Variants in IL9R observed in about 807,000 individuals in gnomAD.
IL9R encodes the protein interleukin 9 receptor.
A neutral mutation model predicts 56.3 loss-of-function variants in IL9R; 54 were observed. The observed-to-expected ratio is 0.96, with a 90% confidence interval of 0.77 to 1.20. The LOEUF (loss-of-function observed/expected upper bound fraction) is 1.20. IL9R is among the 50% of genes most tolerant of loss of function. IL9R has a pLI of 0.00. For missense variants in IL9R, 545 were observed against 629.8 expected, an observed-to-expected ratio of 0.87 and a Z score of 1.44; for synonymous variants, 212 against 250.2, an observed-to-expected ratio of 0.85 and a Z score of 1.44.
intron 4 of IL9R, 146 bp from the exon 5 acceptor site, chrX:156,004,274 G>A: frequency 2.7e-6 from 2 of 740,666 alleles, no homozygotes; most frequent in Non-Finnish European, 4.6e-6. Flanking sequence ...TGGGGCTTTT[G>A]TGGACCAGTC....
intron 5 of IL9R, among the ~76,000 whole-genome samples, 158 bp from the exon 6 acceptor site, chrX:156,005,120 T>G (rs2067830587): frequency 6.6e-6 from 1 of 151,924 alleles, no homozygotes; most frequent in Non-Finnish European, 1.5e-5. Context: ...GTGCCTTCTG[T>G]GTGTGTGTGT....
intron 5 of IL9R, 111 bp from the exon 6 acceptor site, chrX:156,005,167 C>G: frequency 2.5e-6 from 2 of 808,722 alleles, no homozygotes; most frequent in Admixed American, 2.0e-5. Flanking sequence ...TGTGTTAACA[C>G]AAGTGTGTTC....
intron 4 of IL9R, 76 bp downstream of exon 4, chrX:156,003,931 C>CCA: frequency 1.4e-6 from 2 of 1,468,770 alleles, no homozygotes; most frequent in Admixed American, 1.8e-5. Context: ...TGGAGCAGGG[C>CCA]CTTGCAGCCT....
chrX:156,009,768 T>C lies in IL9R; in HGVS notation c.973-48T>C, dbSNP rs769472574. The C allele has an allele frequency of 1.6e-5, 16 of 987,834 alleles. 2 individuals are homozygous for C. The highest frequency in any genetic ancestry group is 1.9e-5 in the Non-Finnish European group (14 of 737,924). 61.2% of individuals were successfully genotyped at this position (987,834 alleles called of 1,614,324 possible). On this transcript the variant is annotated intron_variant, in intron 8 of 8. Coordinates refer to ENST00000244174, the MANE Select transcript of IL9R (RefSeq NM_002186.3). ...GGAGGCAGCTGCTCCCAGGATGAGT[T>C]CTGAACATGCTACCTGAGCCCTTCC...
At chrX:156,002,019 G>A (rs2067566428) in intron 1 of IL9R, among the ~76,000 whole-genome samples, 2 of 152,124 alleles carry the variant, frequency 1.3e-5, no homozygotes, top group Admixed American at 1.3e-4. Flanking sequence ...CAGTTGGATG[G>A]GTCTTTATTT....
At chrX:156,004,629 C>T (rs2067785905) in intron 5 of IL9R, 64 bp downstream of exon 5, 2 of 1,510,854 alleles carry the variant, frequency 1.3e-6, no homozygotes, top group Non-Finnish European at 9.2e-7. Flanking sequence ...AGGGTAGACT[C>T]CCCACTCTAC....
At position 156,006,207 on chromosome X, in the gene IL9R, C is replaced by A. The variant is rs779992213; in HGVS notation, c.887+19C>A. The A allele has an allele frequency of 7.1e-6, 6 of 843,288 alleles. No individual in the cohort carries two copies. The highest frequency in any genetic ancestry group is 2.8e-5 in the South Asian group (2 of 72,322). The allele number at this position is 843,288 out of a possible 1,614,324, so 52.2% of individuals were successfully genotyped here. On this transcript the variant is annotated intron_variant, in intron 7 of 8. Coordinates refer to ENST00000244174, the MANE Select transcript of IL9R (RefSeq NM_002186.3). ...CGCCCAGGTAGGTGGCTGATGTGTG[C>A]GTGTGTGTACATGTGTGAGCGGGCA...
intron 1 of IL9R, among the ~76,000 whole-genome samples, chrX:155,999,847 C>T (rs1170659797): frequency 1.3e-5 from 2 of 152,118 alleles, no homozygotes; most frequent in Non-Finnish European, 2.9e-5. Context: ...AAAATATGGC[C>T]AGGCATGTTG....
At position 156,007,068 on chromosome X, in the gene IL9R, G is replaced by C. The variant is rs917894706; in HGVS notation, c.888-455G>C. 2.7e-3 allele frequency among the ~76,000 whole-genome samples: 404 copies of C among 152,094 alleles called. 4 individuals are homozygous for C. Among genetic ancestry groups the C allele is most frequent in the African/African-American group, 9.0e-3 (374 of 41,446 alleles). ...GGGGGACAGCCTTGCAGGGAGGTTGGTGAAGTCTATTTGGACCTGTTGGGT... is the reference window on the plus strand; with the variant it reads ...GGGGGACAGCCTTGCAGGGAGGTTGCTGAAGTCTATTTGGACCTGTTGGGT... On this transcript the variant is annotated intron_variant, in intron 7 of 8. Transcript: ENST00000244174.
intron 1 of IL9R, among the ~76,000 whole-genome samples, chrX:155,999,136 G>A (rs766412824): frequency 1.3e-5 from 2 of 152,176 alleles, no homozygotes; most frequent in African/African-American, 4.8e-5. Flanking sequence ...GAAGGACCAG[G>A]CCTGTGATGG....
intron 1 of IL9R, among the ~76,000 whole-genome samples, chrX:156,002,198 A>T (rs766951371): frequency 6.6e-6 from 1 of 152,166 alleles, no homozygotes; most frequent in African/African-American, 2.4e-5. Flanking sequence ...AAAAAAAAAA[A>T]AATTAGCTGG....
In IL9R at chrX:156,007,816, T is replaced by C. The variant is rs1224653330; in HGVS notation, c.972+209T>C. On this transcript the variant is annotated intron_variant, in intron 8 of 8. Coordinates refer to ENST00000244174, the MANE Select transcript of IL9R (RefSeq NM_002186.3). ...CTTTATTTTCCATTGCTGATTTCTT[T>C]TTGTTCTCAGGTCTCTAGTTCCATT... is the stretch of plus-strand genomic sequence containing the variant. 1.2e-5 allele frequency: 7 copies of C among 607,158 alleles called. No homozygotes were observed. In the Admixed American group the frequency reaches 2.2e-4, roughly 19 times the overall value. The allele number at this position is 607,158 out of a possible 1,614,324, so 37.6% of individuals were successfully genotyped here.
At chrX:156,007,461 C>G (rs2068055098) in intron 7 of IL9R, 62 bp from the exon 8 acceptor site, 1 of 851,122 alleles carries the variant, frequency 1.2e-6, no homozygotes, top group Non-Finnish European at 2.0e-6. Flanking sequence ...AGCTCAGCCT[C>G]TGCAGTGACC....
At chrX:156,001,579 G>C in intron 1 of IL9R, 9 of 1,075,174 alleles carry the variant, frequency 8.4e-6, no homozygotes, top group East Asian at 2.4e-5. Context: ...GCCGGGAGTG[G>C]GGCAGAGTGG....
chrX:156,001,931 G>A (rs2124500383), intron 1 of IL9R, among the ~76,000 whole-genome samples: 2 of 152,268 alleles, frequency 1.3e-5, no homozygotes, highest in Middle Eastern at 3.4e-3. Context: ...TTGGAACAGG[G>A]GTGCAACAGA....
chrX:156,001,905 C>G (rs2067559004), intron 1 of IL9R, among the ~76,000 whole-genome samples: 1 of 152,182 alleles, frequency 6.6e-6, no homozygotes, highest in South Asian at 2.1e-4. Flanking sequence ...TGGTGTTGCT[C>G]TTCTTTGCAG....
At chrX:156,000,873 A>G (rs1174355740) in intron 1 of IL9R, among the ~76,000 whole-genome samples, 3 of 152,100 alleles carry the variant, frequency 2.0e-5, no homozygotes, top group Non-Finnish European at 4.4e-5. Flanking sequence ...GCTGGTGGGA[A>G]TGGGCCAAGA....
At chrX:156,008,893 A>T (rs1284343775) in intron 8 of IL9R, among the ~76,000 whole-genome samples, 1 of 134,440 alleles carries the variant, frequency 7.4e-6, no homozygotes, top group Admixed American at 7.2e-5. Context: ...GTGTGTGTTT[A>T]TGTGTCTGTG....
chrX:156,005,780 G>A (rs1205821106), intron 6 of IL9R, among the ~76,000 whole-genome samples: 2 of 152,092 alleles, frequency 1.3e-5, no homozygotes, highest in Non-Finnish European at 2.9e-5. Context: ...TGTCCTTAAT[G>A]GGGGCTGGAC....
Sources: allele counts gnomAD v4.1 joint callset (sites outside exome capture counted in the v4.1 genomes callset), GRCh38; gene constraint gnomAD v4.1.1; transcripts MANE v1.5; gene names NCBI Gene and HGNC (gene_info 2026-07-23, HGNC 2026-07-21).